The following ATP6V1E2 variants were observed in gnomAD, a reference collection of about 807,000 sequenced individuals.
ATP6V1E2 encodes V-type proton ATPase subunit E 2.
For missense variants in ATP6V1E2, 308 were observed against 273.3 expected, an observed-to-expected ratio of 1.13 and a Z score of -0.90; for synonymous variants, 121 against 104.2, an observed-to-expected ratio of 1.16 and a Z score of -0.98.
At chr2:46,514,187 G>A (rs550568870) in intron 4 of ATP6V1E2, among the ~76,000 whole-genome samples, 70 of 152,276 alleles carry the variant, frequency 4.6e-4, no homozygotes, top group African/African-American at 1.6e-3. Flanking sequence ...GGCTGAGGCA[G>A]GAGAATCGCT....
chr2:46,528,337 G>C (rs1261846265), intron 4 of ATP6V1E2, among the ~76,000 whole-genome samples: 1 of 152,202 alleles, frequency 6.6e-6, no homozygotes, highest in Non-Finnish European at 1.5e-5. Context: ...GAAGATCTTG[G>C]AAGGTCTCAT....
At chr2:46,529,502 C>A (rs543538209) in intron 4 of ATP6V1E2, among the ~76,000 whole-genome samples, 1 of 152,318 alleles carries the variant, frequency 6.6e-6, no homozygotes, top group East Asian at 1.9e-4. Flanking sequence ...CGCCTGTAAT[C>A]CCAGTGCTTT....
chr2:46,514,975 T>C (rs78984810), intron 4 of ATP6V1E2, among the ~76,000 whole-genome samples: 7,014 of 152,010 alleles, frequency 0.046, 214 homozygotes, highest in Middle Eastern at 0.11. Context: ...AAGAGTAAGA[T>C]GATATATTCA....
At chr2:46,522,118 T>A (rs114572459) in intron 4 of ATP6V1E2, among the ~76,000 whole-genome samples, 1 of 151,782 alleles carries the variant, frequency 6.6e-6, no homozygotes, top group East Asian at 1.9e-4. Context: ...TGGGACCACA[T>A]CTCTACAAAT....
intron 4 of ATP6V1E2, among the ~76,000 whole-genome samples, chr2:46,525,028 G>A (rs1432149651): frequency 2.0e-5 from 3 of 152,170 alleles, no homozygotes; most frequent in Non-Finnish European, 2.9e-5. Flanking sequence ...AAGCCAGAGG[G>A]AGCCTGTACA....
chr2:46,526,825 G>A (rs1345359448), intron 4 of ATP6V1E2, among the ~76,000 whole-genome samples: 4 of 152,106 alleles, frequency 2.6e-5, no homozygotes, highest in African/African-American at 9.7e-5. Flanking sequence ...TGTGAATAAT[G>A]CTGCTATGAA....
At chr2:46,529,663 G>T (rs562274274) in intron 4 of ATP6V1E2, among the ~76,000 whole-genome samples, 1 of 152,304 alleles carries the variant, frequency 6.6e-6, no homozygotes, top group South Asian at 2.1e-4. Flanking sequence ...AGCTGAGGCG[G>T]GAGGATCACT....
At chr2:46,532,904 T>C (rs544627759) in intron 4 of ATP6V1E2, among the ~76,000 whole-genome samples, 1 of 152,310 alleles carries the variant, frequency 6.6e-6, no homozygotes, top group East Asian at 1.9e-4. Context: ...GATAACACTA[T>C]ATCATTTAAT....
Position 46,530,914 on chromosome 2 carries a change from C to T in ATP6V1E2, c.-102+4899G>A, listed in dbSNP as rs190006977. On this transcript the variant is annotated intron_variant, in intron 4 of 4. Coordinates refer to ENST00000522587, the MANE Select transcript of ATP6V1E2 (RefSeq NM_001318063.2). This position sits in a 1 kb window ranked among gnomAD's most constrained non-coding sequence, Gnocchi z 5.2. ...AGCCCATGATTCAGTTACTTCCCAC[C>T]GGGCCCCTCCCGTGGCACGTGGGAA... Among the ~76,000 whole-genome samples, 2 of 152,316 alleles carry T rather than the reference C, an allele frequency of 1.3e-5. No individual in the cohort carries two copies. The highest frequency in any genetic ancestry group is 6.5e-5 in the Admixed American group (1 of 15,304).
At chr2:46,538,615 G>A (rs1483643132) in intron 2 of ATP6V1E2, among the ~76,000 whole-genome samples, 2 of 152,092 alleles carry the variant, frequency 1.3e-5, no homozygotes, top group East Asian at 1.9e-4. Context: ...TCTGCCCTTT[G>A]TGATGGGGGA....
chr2:46,523,039 T>G (rs1423023305), intron 4 of ATP6V1E2, among the ~76,000 whole-genome samples: 1 of 152,230 alleles, frequency 6.6e-6, no homozygotes, highest in Non-Finnish European at 1.5e-5. Context: ...GTAAATGTCT[T>G]CTTTTGAGAA....
In ATP6V1E2 at chr2:46,512,564, G is replaced by A. The variant is rs373572329; in HGVS notation, c.148C>T (p.Arg50Ter). The change falls in exon 5 of 5, where the codon CGA becomes TGA. Residue 50 changes from arginine to a stop codon, truncating the protein, a stop_gained. Coordinates refer to ENST00000522587, the MANE Select transcript of ATP6V1E2 (RefSeq NM_001318063.2). LOFTEE classifies it low-confidence loss of function (END_TRUNC). ...IEKGRLVQTQ[R>*]LKIMEYYEKK... is the part of the protein sequence containing the mutation. ...TCATAATACTCCATAATCTTCAGTC[G>A]TTGGGTTTGCACGAGGCGTCCTTTC... 2.2e-5 allele frequency: 35 copies of A among 1,614,154 alleles called. No homozygotes were observed. The highest frequency in any genetic ancestry group is 2.5e-5 in the Non-Finnish European group (29 of 1,180,030).
chr2:46,538,874 TGA>T (rs1667579556), intron 2 of ATP6V1E2, among the ~76,000 whole-genome samples: 1 of 151,730 alleles, frequency 6.6e-6, no homozygotes, highest in Admixed American at 6.6e-5. Context: ...GAGGCTGAGG[TGA>T]GAGAATTGCT....
chr2:46,527,840 C>T (rs1302526869), intron 4 of ATP6V1E2: 6 of 152,206 alleles, frequency 3.9e-5, no homozygotes, highest in Admixed American at 3.9e-4. Context: ...TGGAAACTGT[C>T]TACTCAAGTT....
intron 4 of ATP6V1E2, among the ~76,000 whole-genome samples, chr2:46,525,456 C>T (rs1189664390): frequency 1.1e-5 from 1 of 88,566 alleles, no homozygotes; most frequent in East Asian, 2.7e-4. Context: ...AACGAGACTC[C>T]GTCTCAAAAA....
At position 46,530,003 on chromosome 2, in the gene ATP6V1E2, G is replaced by A. The variant is rs1401423091; in HGVS notation, c.-102+5810C>T. 6.6e-6 allele frequency among the ~76,000 whole-genome samples: 1 copy of A among 152,156 alleles called. No homozygotes were observed. Among genetic ancestry groups the A allele is most frequent in the Non-Finnish European group, 1.5e-5 (1 of 68,026 alleles). On this transcript the variant is annotated intron_variant, in intron 4 of 4. Transcript: ENST00000522587. The surrounding 1 kb of genome is among the most constrained non-coding windows in gnomAD (Gnocchi z 5.2). ...TTCGAACCAGAAAGAAATTATTTCA[G>A]TATATTTATAACCTGTCCTGTTACA...
At chr2:46,536,747 A>G (rs991819464) in intron 2 of ATP6V1E2, 44 bp from the exon 3 acceptor site, 1 of 151,916 alleles carries the variant, frequency 6.6e-6, no homozygotes, top group African/African-American at 2.4e-5. Context: ...GAGCCATCTC[A>G]TCTTCCTCTC....
At chr2:46,517,051 A>C (rs1687744996) in intron 4 of ATP6V1E2, among the ~76,000 whole-genome samples, 1 of 152,246 alleles carries the variant, frequency 6.6e-6, no homozygotes. Flanking sequence ...AGAACAACAA[A>C]GCTAAAGGTC....
chr2:46,537,026 T>C (rs1667478561), intron 2 of ATP6V1E2, among the ~76,000 whole-genome samples: 1 of 152,170 alleles, frequency 6.6e-6, no homozygotes, highest in Non-Finnish European at 1.5e-5. Flanking sequence ...CAACTGATCC[T>C]CCCATCTCGG....
Sources: gnomAD v4.1 joint callset for allele counts (sites outside exome capture counted in the v4.1 genomes callset) on GRCh38, gnomAD v4.1.1 for gene constraint, Gnocchi (gnomAD v3.1) non-coding constraint, MANE v1.5 for transcripts, NCBI Gene and HGNC (gene_info 2026-07-23, HGNC 2026-07-21) for gene names.